Variants in USP31 observed in about 807,000 individuals in gnomAD.
USP31 encodes the protein ubiquitin carboxyl-terminal hydrolase 31.
USP31 carries 44 observed loss-of-function variants against 119.4 expected under a neutral mutation model. That is an observed-to-expected ratio of 0.37 (90% CI 0.29 to 0.47). USP31 has a LOEUF of 0.47. Ranked by LOEUF, USP31 falls within the 20% of genes least tolerant of loss-of-function variation. The pLI, the probability that USP31 is intolerant of heterozygous loss-of-function variation, is 0.99. For synonymous variants in USP31, 749 were observed against 705.6 expected, an observed-to-expected ratio of 1.06 and a Z score of -0.97; for missense variants, 1,643 against 1,730.2, an observed-to-expected ratio of 0.95 and a Z score of 0.89.
intron 2 of USP31, 69 bp from the exon 3 acceptor site, chr16:23,106,556 G>GAA: frequency 7.0e-7 from 1 of 1,424,668 alleles, no homozygotes; most frequent in Admixed American, 2.3e-5. Flanking sequence ...TGAAGCTAGA[G>GAA]AATCACATAT....
At chr16:23,108,408 T>C (rs1489673379) in intron 1 of USP31, among the ~76,000 whole-genome samples, 1 of 151,946 alleles carries the variant, frequency 6.6e-6, no homozygotes, top group Non-Finnish European at 1.5e-5. Context: ...CTTTTAGGAG[T>C]GTATCTAAAG....
Position 23,090,767 on chromosome 16 carries a change from A to G in USP31, c.1272T>C (p.Phe424=), listed in dbSNP as rs1901326013. 2 of 1,607,846 alleles carry G rather than the reference A, an allele frequency of 1.2e-6. No homozygotes were observed. Among genetic ancestry groups the G allele is most frequent in the African/African-American group, 2.7e-5 (2 of 74,896 alleles). ...HLNNNLNHLK[F]GLDYHRLSSP... is the part of the protein sequence containing the mutation. ...AAGACAGTCTATGATAATCCAAGCC[A>G]AATTTCAAGTGGTTTAGGTTGTTGT... Residue 424 remains phenylalanine (F), a synonymous_variant, in exon 7 of 16, where the codon TTT becomes TTC. Coordinates refer to ENST00000219689, the MANE Select transcript of USP31 (RefSeq NM_020718.4).
intron 1 of USP31, among the ~76,000 whole-genome samples, chr16:23,133,383 C>T (rs1903087137): frequency 6.6e-6 from 1 of 152,212 alleles, no homozygotes. Flanking sequence ...ACACGTTGTG[C>T]ACCTCCTACA....
In USP31 at chr16:23,090,343, G is replaced by A. The variant is rs1442240493; in HGVS notation, c.1415+281C>T. ...AGAGGTTGCAGTGAACCGAGATCGC[G>A]CAACTACACTCCAGCCTGGGCAACA... On this transcript the variant is annotated intron_variant, in intron 7 of 15. Transcript: ENST00000219689. Among the ~76,000 whole-genome samples the A allele has an allele frequency of 1.2e-4, 19 of 152,032 alleles. No homozygotes were observed. In the East Asian group the frequency reaches 1.7e-3, roughly 14 times the overall value.
rs1449608255 is a variant in USP31 at position 23,064,600 on chromosome 16, T to G, written c.*3446A>C. On this transcript the variant is annotated 3_prime_UTR_variant, in exon 16 of 16. Coordinates refer to ENST00000219689, the MANE Select transcript of USP31 (RefSeq NM_020718.4). ...ATGTCTCTAAAGATGAAGGGCACTTTTGGTTTCCAGAAGGAACAGACTTGC... is the reference window on the plus strand; with the variant it reads ...ATGTCTCTAAAGATGAAGGGCACTTGTGGTTTCCAGAAGGAACAGACTTGC... 1 of 152,200 alleles carries G rather than the reference T, an allele frequency of 6.6e-6. No homozygotes were observed. The highest frequency in any genetic ancestry group is 1.5e-5 in the Non-Finnish European group (1 of 68,046). 9.4% of individuals were successfully genotyped at this position (152,200 alleles called of 1,614,324 possible). A position where few individuals can be genotyped will look rare whatever the true frequency, so the allele number is the denominator to read the frequency against.
chr16:23,101,870 G>A (rs1172915964), intron 6 of USP31, among the ~76,000 whole-genome samples: 1 of 149,968 alleles, frequency 6.7e-6, no homozygotes, highest in Non-Finnish European at 1.5e-5. Context: ...TCATTTTGCT[G>A]CCTATCAATG....
At chr16:23,138,195 T>A (rs931025959) in intron 1 of USP31, among the ~76,000 whole-genome samples, 3 of 152,220 alleles carry the variant, frequency 2.0e-5, no homozygotes, top group African/African-American at 7.2e-5. Flanking sequence ...AGACATTTTT[T>A]AAAAATCTCA....
chr16:23,113,158 G>C (rs186990480), intron 1 of USP31, among the ~76,000 whole-genome samples: 2 of 152,278 alleles, frequency 1.3e-5, no homozygotes, highest in East Asian at 1.9e-4. Context: ...ATGACACCAA[G>C]GTCTCCCATT....
intron 6 of USP31, 89 bp from the exon 7 acceptor site, chr16:23,090,893 T>C (rs537248758): frequency 5.4e-5 from 69 of 1,279,964 alleles, no homozygotes; most frequent in Non-Finnish European, 6.7e-5. Context: ...AGAGAAAATT[T>C]TTTTTAAAAA....
chr16:23,145,865 TTAAG>T (rs548631136), intron 1 of USP31, among the ~76,000 whole-genome samples: 1 of 152,188 alleles, frequency 6.6e-6, no homozygotes, highest in Non-Finnish European at 1.5e-5. Flanking sequence ...TCCTAACTGA[TTAAG>T]TAAGCCTTCA....
rs762940430 is a variant in USP31 at position 23,087,186 on chromosome 16, C to T, written c.1528G>A (p.Val510Met). 3.7e-6 allele frequency: 6 copies of T among 1,610,898 alleles called. No individual in the cohort carries two copies. The highest frequency in any genetic ancestry group is 5.1e-6 in the Non-Finnish European group (6 of 1,179,114). The change falls in exon 9 of 16, where the codon GTG becomes ATG. Residue 510 changes from valine (V) to methionine (M), a missense_variant and splice_region_variant. Around this residue, in one of 5 missense-constraint regions of USP31, gnomAD observed 219 missense variants for 226.4 expected, o/e 0.97. Transcript: ENST00000219689. ...ACCACACGCAAGCTGAATGGACACA[C>T]CTGCATCAGATGTTAGATGAGAATT... ...YFLRPTVCIQ[V>M]CPFSLRVVSV...
rs183352800 is a variant in USP31, at chr16:23,061,557, C to T, written c.*6489G>A. ...AAATTCTGCTTCTTAAAAGTGCATA[C>T]ACTTTGAATAATAAAACATACAAAT... On this transcript the variant is annotated 3_prime_UTR_variant, in exon 16 of 16. Coordinates refer to ENST00000219689, the MANE Select transcript of USP31 (RefSeq NM_020718.4). 25 of 152,748 alleles carry T rather than the reference C, an allele frequency of 1.6e-4. No homozygotes were observed. The East Asian group carries it at 3.5e-3, about 21-fold the overall frequency. The allele number at this position is 152,748 out of a possible 1,614,324, so 9.5% of individuals were successfully genotyped here. A position where few individuals can be genotyped will look rare whatever the true frequency, so the allele number is the denominator to read the frequency against.
chr16:23,091,181 T>C (rs1457328069), intron 6 of USP31, among the ~76,000 whole-genome samples: 1 of 152,214 alleles, frequency 6.6e-6, no homozygotes, highest in Non-Finnish European at 1.5e-5. Context: ...TGTTCTTCAA[T>C]ATTCAATAGC....
chr16:23,108,477 G>T (rs1284231764), intron 1 of USP31, among the ~76,000 whole-genome samples: 1 of 152,116 alleles, frequency 6.6e-6, no homozygotes, highest in Non-Finnish European at 1.5e-5. Flanking sequence ...GTTTATAAAA[G>T]CAAATAATTG....
chr16:23,106,646 G>A (rs1174288710), intron 2 of USP31, among the ~76,000 whole-genome samples, 159 bp from the exon 3 acceptor site: 1 of 152,164 alleles, frequency 6.6e-6, no homozygotes. Context: ...CCAGAACACA[G>A]CAGTAGGATG....
At chr16:23,082,397 G>C in intron 12 of USP31, 41 bp downstream of exon 12, 2 of 1,610,180 alleles carry the variant, frequency 1.2e-6, no homozygotes, top group Non-Finnish European at 1.7e-6. Context: ...TAAGAAACTT[G>C]TCACAACTTG....
chr16:23,067,809 G>C lies in USP31; in HGVS notation c.*237C>G, dbSNP rs896042898. On this transcript the variant is annotated 3_prime_UTR_variant, in exon 16 of 16. Coordinates refer to ENST00000219689, the MANE Select transcript of USP31 (RefSeq NM_020718.4). ...GTATCGTCTACAATTATTCCAGTTAGCTTGGTGTCAATGTTTTGCCTATGG... is the reference window on the plus strand; with the variant it reads ...GTATCGTCTACAATTATTCCAGTTACCTTGGTGTCAATGTTTTGCCTATGG... 1.5e-5 allele frequency: 7 copies of C among 457,310 alleles called. No homozygotes were observed. Among genetic ancestry groups the C allele is most frequent in the South Asian group, 3.9e-5 (1 of 25,844 alleles). The allele number at this position is 457,310 out of a possible 1,614,324, so 28.3% of individuals were successfully genotyped here. A position where few individuals can be genotyped will look rare whatever the true frequency, so the allele number is the denominator to read the frequency against.
intron 13 of USP31, among the ~76,000 whole-genome samples, chr16:23,078,676 G>A (rs940658605): frequency 3.9e-5 from 6 of 152,168 alleles, no homozygotes; most frequent in Admixed American, 1.3e-4. Flanking sequence ...TCAGAAGACA[G>A]AGGCTGGGGA....
intron 6 of USP31, among the ~76,000 whole-genome samples, chr16:23,092,509 T>C (rs1382246510): frequency 6.6e-6 from 1 of 152,090 alleles, no homozygotes. Context: ...GTGTGAGAGA[T>C]TAACAGAAGT....
Sources: gnomAD v4.1 joint callset for allele counts (sites outside exome capture counted in the v4.1 genomes callset) on GRCh38, gnomAD v4.1.1 for gene constraint, gnomAD v4.1.1 regional missense constraint, MANE v1.5 for transcripts, NCBI Gene and HGNC (gene_info 2026-07-23, HGNC 2026-07-21) for gene names.